The following ABCA5 variants were observed in gnomAD, a reference collection of about 807,000 sequenced individuals.
The protein encoded by ABCA5 is cholesterol transporter ABCA5.
ABCA5 carries 163 observed loss-of-function variants against 206.0 expected under a neutral mutation model. That is an observed-to-expected ratio of 0.79 (90% CI 0.70 to 0.90). The LOEUF (loss-of-function observed/expected upper bound fraction) is 0.90. Among genes scored for constraint, ABCA5 ranks in the 40% least tolerant of loss-of-function variants. The probability of loss-of-function intolerance (pLI) is 0.00; values close to 1 mark genes in which losing one functional copy is unlikely to be tolerated. For synonymous variants in ABCA5, 609 were observed against 613.8 expected, an observed-to-expected ratio of 0.99 and a Z score of 0.11; for missense variants, 1,859 against 1,912.9, an observed-to-expected ratio of 0.97 and a Z score of 0.53.
chr17:69,270,590 T>C (rs2075261284), intron 22 of ABCA5, 23 bp downstream of exon 22: 1 of 1,554,020 alleles, frequency 6.4e-7, no homozygotes, highest in African/African-American at 1.4e-5. Flanking sequence ...TATGGAAATT[T>C]ATCTGTATAT....
rs992814082 is a variant in ABCA5, at chr17:69,246,034, T to C, written c.*1503A>G. ...CCTGGGTATTTATGTGAACATTATATATACTTTAGGAAAGTGTATAGCAAC... is the reference window on the plus strand; with the variant it reads ...CCTGGGTATTTATGTGAACATTATACATACTTTAGGAAAGTGTATAGCAAC... On this transcript the variant is annotated 3_prime_UTR_variant, in exon 39 of 39. Transcript: ENST00000392676. 3 of 152,032 alleles carry C rather than the reference T, an allele frequency of 2.0e-5. No individual in the cohort carries two copies. Among genetic ancestry groups the C allele is most frequent in the Admixed American group, 6.5e-5 (1 of 15,274 alleles). The allele number at this position is 152,032 out of a possible 1,614,324, so 9.4% of individuals were successfully genotyped here.
intron 34 of ABCA5, among the ~76,000 whole-genome samples, chr17:69,252,160 T>A (rs1406748411): frequency 2.0e-5 from 3 of 150,570 alleles, no homozygotes; most frequent in East Asian, 3.9e-4. Context: ...TACAGGTGCC[T>A]GCCACCACAC....
At position 69,302,872 on chromosome 17, in the gene ABCA5, T is replaced by C. The variant is rs771112408; in HGVS notation, c.965A>G (p.Lys322Arg). The change falls in exon 8 of 39, where the codon AAA becomes AGA. Residue 322 changes from lysine to arginine, a missense_variant. Lys to Arg is a conservative substitution (Grantham distance 26). Coordinates refer to ENST00000392676, the MANE Select transcript of ABCA5 (RefSeq NM_172232.4). The part of the protein sequence containing the change: ...FFALMLTPLF[K>R]KSKHVGIVEF... Reference sequence around the variant, plus strand: ...AACTATTCCCACATGTTTTGATTTTTTAAAAAGAGGTGTCAGCATTAAAGC... The same window carrying C: ...AACTATTCCCACATGTTTTGATTTTCTAAAAAGAGGTGTCAGCATTAAAGC... The C allele has an allele frequency of 6.4e-7, 1 of 1,565,122 alleles. No individual in the cohort carries two copies. The highest frequency in any genetic ancestry group is 8.6e-7 in the Non-Finnish European group (1 of 1,161,718).
chr17:69,270,820 T>G, intron 21 of ABCA5, 70 bp from the exon 22 acceptor site: 1 of 1,351,778 alleles, frequency 7.4e-7, no homozygotes, highest in South Asian at 1.8e-5. Flanking sequence ...TGTACCAAGC[T>G]TTTCTCACCA....
rs1357546451 is a variant in ABCA5 at position 69,260,319 on chromosome 17, A to G, written c.3639+19T>C. ...TTCTTAAGGTACATGCTAATTCACA[A>G]AAACACTTTATTTCTTACCGATATA... On this transcript the variant is annotated intron_variant, in intron 27 of 38. Coordinates refer to ENST00000392676, the MANE Select transcript of ABCA5 (RefSeq NM_172232.4). 1.9e-6 allele frequency: 3 copies of G among 1,579,158 alleles called. No individual in the cohort carries two copies. The highest frequency in any genetic ancestry group is 4.5e-5 in the East Asian group (2 of 44,212).
rs1251810857 is a variant in ABCA5, at chr17:69,264,757, T to C, written c.3293A>G (p.Tyr1098Cys). The C allele has an allele frequency of 6.3e-7, 1 of 1,576,756 alleles. No homozygotes were observed. Among genetic ancestry groups the C allele is most frequent in the Non-Finnish European group, 8.6e-7 (1 of 1,164,320 alleles). The change falls in exon 24 of 39, where the codon TAT becomes TGT. Residue 1098 changes from tyrosine (Y) to cysteine (C), a missense_variant. By Grantham distance (194) the Tyr-to-Cys change is radical (BLOSUM62 -2). Coordinates refer to ENST00000392676, the MANE Select transcript of ABCA5 (RefSeq NM_172232.4). Reference protein sequence around the residue: ...LLAFHYGLYFYTVKFLAVVFC... With the variant: ...LLAFHYGLYFCTVKFLAVVFC... ...TACCACAGCAAGGAACTTTACAGTA[T>C]AAAAATATAATCCATAATGAAATGC...
intron 18 of ABCA5, among the ~76,000 whole-genome samples, chr17:69,281,673 C>T (rs964158250): frequency 6.6e-6 from 1 of 152,132 alleles, no homozygotes; most frequent in Non-Finnish European, 1.5e-5. Context: ...ACTACAGGAG[C>T]AACTTTACAG....
In ABCA5 at chr17:69,261,210, T is replaced by C; in HGVS notation, c.3479A>G (p.Tyr1160Cys). The C allele has an allele frequency of 6.2e-7, 1 of 1,609,224 alleles. No homozygotes were observed. The highest frequency in any genetic ancestry group is 8.5e-7 in the Non-Finnish European group (1 of 1,177,486). Residue 1160 changes from tyrosine (Y) to cysteine (C), a missense_variant, in exon 26 of 39, where the codon TAC becomes TGC. By Grantham distance (194) the Tyr-to-Cys change is radical. Transcript: ENST00000392676. Reference sequence around the variant, plus strand: ...ATAATGAAGAATAGTTGCAATTGTGTATCCCATAAAGAAAGTTATTTCAGT... The same window carrying C: ...ATAATGAAGAATAGTTGCAATTGTGCATCCCATAAAGAAAGTTATTTCAGT... The part of the protein sequence containing the change: ...AITEITFFMG[Y>C]TIATILHYAF...
At chr17:69,310,982 TA>T (rs1238748965) in intron 3 of ABCA5, among the ~76,000 whole-genome samples, 1 of 151,784 alleles carries the variant, frequency 6.6e-6, no homozygotes, top group Non-Finnish European at 1.5e-5. Context: ...AGTCCAGGAG[TA>T]GATTGCTTGA....
chr17:69,282,612 T>C (rs1427696167), intron 18 of ABCA5, among the ~76,000 whole-genome samples: 1 of 151,768 alleles, frequency 6.6e-6, no homozygotes, highest in Non-Finnish European at 1.5e-5. Flanking sequence ...TACTAAAAAA[T>C]ACAACAACTA....
intron 19 of ABCA5, among the ~76,000 whole-genome samples, chr17:69,275,840 T>C: frequency 6.6e-6 from 1 of 151,976 alleles, no homozygotes; most frequent in Non-Finnish European, 1.5e-5. Context: ...GTCCCCATGA[T>C]GGGATTAGTA....
chr17:69,294,588 G>A lies in ABCA5; in HGVS notation c.1495+67C>T, dbSNP rs150007318. 63 of 1,266,666 alleles carry A rather than the reference G, an allele frequency of 5.0e-5. No individual in the cohort carries two copies. In the East Asian group the frequency reaches 1.5e-3, roughly 29 times the overall value. The allele number at this position is 1,266,666 out of a possible 1,614,324, so 78.5% of individuals were successfully genotyped here. ...GTAGAGAAGTTTAAATTTCCCACAA[G>A]CTATGCAAATTATTTTTCTAGTTGT... On this transcript the variant is annotated intron_variant, in intron 11 of 38. Coordinates refer to ENST00000392676, the MANE Select transcript of ABCA5 (RefSeq NM_172232.4).
intron 11 of ABCA5, among the ~76,000 whole-genome samples, chr17:69,293,525 C>T (rs1482236723): frequency 2.0e-5 from 3 of 152,082 alleles, no homozygotes; most frequent in Non-Finnish European, 4.4e-5. Context: ...ATGTCATTAA[C>T]TTTTATAATC....
intron 31 of ABCA5, 87 bp downstream of exon 31, chr17:69,255,456 T>A: frequency 1.3e-6 from 1 of 798,174 alleles, no homozygotes; most frequent in Non-Finnish European, 1.8e-6. Context: ...AAAAATTGAA[T>A]ATAAAATCCG....
chr17:69,278,110 A>T (rs1011126401), intron 18 of ABCA5, among the ~76,000 whole-genome samples: 7 of 152,166 alleles, frequency 4.6e-5, no homozygotes, highest in Non-Finnish European at 8.8e-5. Flanking sequence ...TGTTCTACTA[A>T]GAACAAGAAC....
In ABCA5 at chr17:69,285,895, T is replaced by C. The variant is rs1444033169; in HGVS notation, c.2272+3A>G. On this transcript the variant is annotated splice_donor_region_variant and intron_variant, in intron 17 of 38. Coordinates refer to ENST00000392676, the MANE Select transcript of ABCA5 (RefSeq NM_172232.4). The stretch of plus-strand genomic sequence containing the variant: ...ACACCAAGAGACTTAAAGTAAGTAA[T>C]ACCTGAAAATTTGTCCATGTCCTTG... 6.2e-7 allele frequency: 1 copy of C among 1,610,196 alleles called. No homozygotes were observed. Among genetic ancestry groups the C allele is most frequent in the African/African-American group, 1.3e-5 (1 of 74,746 alleles).
At chr17:69,266,236 G>T (rs2075206150) in intron 23 of ABCA5, among the ~76,000 whole-genome samples, 1 of 152,168 alleles carries the variant, frequency 6.6e-6, no homozygotes, top group African/African-American at 2.4e-5. Context: ...AGAGAACAGA[G>T]TAGTGGTTGC....
At chr17:69,255,482 G>T (rs1447986943) in intron 31 of ABCA5, 61 bp downstream of exon 31, 2 of 1,104,428 alleles carry the variant, frequency 1.8e-6, no homozygotes, top group African/African-American at 1.6e-5. Context: ...GTCACTAAAA[G>T]TTTATGTTAA....
chr17:69,247,670 C>T (rs1446531913), intron 38 of ABCA5, 26 bp from the exon 39 acceptor site: 1 of 1,406,546 alleles, frequency 7.1e-7, no homozygotes. Context: ...TAAATGAATA[C>T]AGTATGCTGT....
Sources: gnomAD v4.1 joint callset for allele counts (sites outside exome capture counted in the v4.1 genomes callset) on GRCh38, gnomAD v4.1.1 for gene constraint, MANE v1.5 for transcripts, NCBI Gene and HGNC (gene_info 2026-07-23, HGNC 2026-07-21) for gene names.